EFHB: variants seen among roughly 807,000 people sequenced by gnomAD.
EFHB encodes EF-hand domain-containing family member B.
A neutral mutation model predicts 87.2 loss-of-function variants in EFHB; 91 were observed. The ratio of observed to expected loss-of-function variants is 1.04; its 90% CI spans 0.88 to 1.24. EFHB has a LOEUF of 1.24. EFHB is among the 50% of genes most tolerant of loss of function. EFHB has a pLI of 0.00. For synonymous variants in EFHB, 325 were observed against 333.6 expected (o/e 0.97, Z 0.28); for missense variants, 1,084 against 998.8 (o/e 1.09, Z -1.15).
chr3:19,890,838 G>C (rs1479386678), intron 9 of EFHB, among the ~76,000 whole-genome samples: 1 of 152,156 alleles, frequency 6.6e-6, no homozygotes, highest in Non-Finnish European at 1.5e-5. Flanking sequence ...CTATTAGCCT[G>C]TCACTGAGCT....
intron 1 of EFHB, chr3:19,946,888 A>C (rs933583712): frequency 6.6e-6 from 1 of 152,290 alleles, no homozygotes; most frequent in Non-Finnish European, 1.5e-5. Context: ...CTAAATAACA[A>C]TGGCGCTGGA....
intron 1 of EFHB, among the ~76,000 whole-genome samples, chr3:19,926,114 C>T (rs1336025658): frequency 6.6e-6 from 1 of 152,150 alleles, no homozygotes; most frequent in Non-Finnish European, 1.5e-5. Flanking sequence ...GATTTATTAA[C>T]AGGTGGCACC....
At chr3:19,921,772 G>A (rs1399449523) in intron 1 of EFHB, among the ~76,000 whole-genome samples, 1 of 151,772 alleles carries the variant, frequency 6.6e-6, no homozygotes. Flanking sequence ...GATATAGTGA[G>A]ATTTTTTTTA....
At position 19,933,464 on chromosome 3, in the gene EFHB, C is replaced by G; in HGVS notation, c.555G>C (p.Glu185Asp). 6.2e-7 allele frequency: 1 copy of G among 1,614,028 alleles called. No homozygotes were observed. The highest frequency in any genetic ancestry group is 8.5e-7 in the Non-Finnish European group (1 of 1,179,892). ...TGTCCACCTCCACAGGAAGCTTAAT[C>G]TCTGTGTTGGGTTTCATTAAAACAC... ...STCVLMKPNT[E>D]IKLPVEVDIG... Residue 185 changes from glutamate to aspartate, a missense_variant, in exon 1 of 13, where the codon GAG becomes GAC. Glu to Asp is a conservative substitution (Grantham distance 45, BLOSUM62 2). Transcript: ENST00000295824.
At chr3:19,906,222 C>T (rs1346348747) in intron 5 of EFHB, among the ~76,000 whole-genome samples, 1 of 152,008 alleles carries the variant, frequency 6.6e-6, no homozygotes, top group Admixed American at 6.6e-5. Flanking sequence ...CCAGCTACTT[C>T]GGAGGCTGAG....
At chr3:19,905,533 T>C in intron 6 of EFHB, 87 bp downstream of exon 6, 1 of 1,403,148 alleles carries the variant, frequency 7.1e-7, no homozygotes, top group Non-Finnish European at 9.7e-7. Flanking sequence ...TTTTATTACC[T>C]CTTCAAAAAA....
chr3:19,922,552 C>T (rs1695471958), intron 1 of EFHB, among the ~76,000 whole-genome samples: 1 of 152,184 alleles, frequency 6.6e-6, no homozygotes, highest in African/African-American at 2.4e-5. Flanking sequence ...TGCATTTCCT[C>T]TAGCTTCCTC....
intron 1 of EFHB, among the ~76,000 whole-genome samples, chr3:19,922,422 C>T (rs964212896): frequency 6.6e-6 from 1 of 152,216 alleles, no homozygotes. Flanking sequence ...CTCTCAACCC[C>T]TCTTGCCAAA....
In EFHB at chr3:19,933,264, C is replaced by T. The variant is rs1265815109; in HGVS notation, c.755G>A (p.Gly252Glu). Residue 252 changes from glycine to glutamate, a missense_variant, in exon 1 of 13, where the codon GGG (glycine) becomes GAG (glutamate). Gly to Glu is a moderately conservative substitution (Grantham distance 98). Coordinates refer to ENST00000295824, the MANE Select transcript of EFHB (RefSeq NM_144715.4). ...PPDRIRPIYS[G>E]KFFDRTPCWP... ...GCAAGGGGTCCGATCAAAAAACTTC[C>T]CAGAGTATATGGGTCTGATGCGATC... 1 of 1,613,674 alleles carries T rather than the reference C, an allele frequency of 6.2e-7. No homozygotes were observed. The highest frequency in any genetic ancestry group is 8.5e-7 in the Non-Finnish European group (1 of 1,179,730).
chr3:19,913,026 C>T (rs1695113905), intron 5 of EFHB, among the ~76,000 whole-genome samples: 2 of 152,232 alleles, frequency 1.3e-5, no homozygotes, highest in South Asian at 4.1e-4. Context: ...ATAATAGTAG[C>T]AATTCAACAT....
At chr3:19,887,289 G>A (rs956623475) in intron 10 of EFHB, among the ~76,000 whole-genome samples, 1 of 150,626 alleles carries the variant, frequency 6.6e-6, no homozygotes, top group African/African-American at 2.4e-5. Context: ...GGAGGCTGAG[G>A]CACGAGAATC....
upstream of EFHB, among the ~76,000 whole-genome samples, chr3:19,937,422 G>T (rs1032935371): frequency 1.5e-4 from 23 of 152,080 alleles, no homozygotes; most frequent in Non-Finnish European, 3.1e-4. Context: ...CAGTCATATT[G>T]TGACCATGAA....
In EFHB at chr3:19,910,590, A is replaced by C. The variant is rs1269098041; in HGVS notation, c.1288+4713T>G. Among the ~76,000 whole-genome samples, 4 of 152,186 alleles carry C rather than the reference A, an allele frequency of 2.6e-5. No individual in the cohort carries two copies. In the East Asian group the frequency reaches 7.7e-4, roughly 29 times the overall value. The stretch of plus-strand genomic sequence containing the variant: ...TACCACCTGTTAATTGTAGAGCCCC[A>C]GGACCTTGAGTGAACGTAGGCTGCA... On this transcript the variant is annotated intron_variant, in intron 5 of 12. Coordinates refer to ENST00000295824, the MANE Select transcript of EFHB (RefSeq NM_144715.4).
intron 5 of EFHB, among the ~76,000 whole-genome samples, chr3:19,908,562 A>AAGAGAGAGAGAGAGAGAGAG (rs71624361): frequency 1.1e-4 from 9 of 83,892 alleles, no homozygotes; most frequent in East Asian, 6.8e-4. Context: ...GAAAGAGAGA[A>AAGAGAGAGAGAGAGAGAGAG]AGAGAGAGAG....
chr3:19,914,733 C>G (rs1872736), intron 5 of EFHB, among the ~76,000 whole-genome samples: 59,615 of 151,852 alleles, frequency 0.39, 11,916 homozygotes, highest in African/African-American at 0.43. Flanking sequence ...TGAACCTGAT[C>G]TGATTCAAAA....
At chr3:19,906,698 G>A (rs1219658770) in intron 5 of EFHB, among the ~76,000 whole-genome samples, 4 of 149,274 alleles carry the variant, frequency 2.7e-5, no homozygotes, top group Admixed American at 6.7e-5. Context: ...CACAGAAATA[G>A]AAAAAAAAAA....
At chr3:19,926,436 TC>T (rs1695628264) in intron 1 of EFHB, among the ~76,000 whole-genome samples, 1 of 152,184 alleles carries the variant, frequency 6.6e-6, no homozygotes, top group South Asian at 2.1e-4. Context: ...CAATCTCGGC[TC>T]ACTGCAAGCT....
chr3:19,941,838 CA>C (rs1696165569), intron 1 of EFHB, among the ~76,000 whole-genome samples: 1 of 135,558 alleles, frequency 7.4e-6, no homozygotes, highest in African/African-American at 2.8e-5. Context: ...GCATGAGCAA[CA>C]AGAGTGAGAC....
At chr3:19,892,957 CTTTT>C (rs757481642) in intron 9 of EFHB, among the ~76,000 whole-genome samples, 1 of 143,670 alleles carries the variant, frequency 7.0e-6, no homozygotes. Context: ...TCTCTATTTT[CTTTT>C]TTTTTTTTTA....
Sources: allele counts gnomAD v4.1 joint callset (sites outside exome capture counted in the v4.1 genomes callset), GRCh38; gene constraint gnomAD v4.1.1; transcripts MANE v1.5; gene names NCBI Gene and HGNC (gene_info 2026-07-23, HGNC 2026-07-21).